ELOA: variants seen among roughly 807,000 people sequenced by gnomAD.
The protein encoded by ELOA is elongin-A.
In ELOA, 15 loss-of-function variants were observed where a neutral mutation model predicts 85.2. The observed-to-expected ratio is 0.18, with a 90% confidence interval of 0.12 to 0.27. ELOA has a LOEUF of 0.27. ELOA is among the 10% of genes least tolerant of loss of function. ELOA has a pLI of 1.00. For missense variants in ELOA, 769 were observed against 952.7 expected (o/e 0.81, Z 2.54); for synonymous variants, 348 against 357.2 (o/e 0.97, Z 0.29).
chr1:23,759,823 A>G lies in ELOA; in HGVS notation c.*250A>G. The G allele has an allele frequency of 4.0e-6, 2 of 506,086 alleles. No homozygotes were observed. The highest frequency in any genetic ancestry group is 7.1e-6 in the Non-Finnish European group (2 of 283,206). 31.3% of individuals were successfully genotyped at this position (506,086 alleles called of 1,614,324 possible). ...ACTGAGGATTTTAAAGGTCAATTAT[A>G]CTTTTGTTGTTCATTAGCATCTTTG... On this transcript the variant is annotated 3_prime_UTR_variant, in exon 11 of 11. Coordinates refer to ENST00000613537, the MANE Select transcript of ELOA (RefSeq NM_003198.3).
chr1:23,755,157 A>C (rs893620023), intron 7 of ELOA, among the ~76,000 whole-genome samples: 1 of 152,108 alleles, frequency 6.6e-6, no homozygotes, highest in African/African-American at 2.4e-5. Context: ...GATTACAGGC[A>C]TGAGCCAACG....
At chr1:23,756,662 C>T (rs943002537) in intron 9 of ELOA, among the ~76,000 whole-genome samples, 1 of 152,302 alleles carries the variant, frequency 6.6e-6, no homozygotes, top group Admixed American at 6.5e-5. Context: ...TCCCTTTTCC[C>T]ATCTAAACAA....
At chr1:23,755,818 A>T in intron 7 of ELOA, 25 bp from the exon 8 acceptor site, 2 of 1,575,394 alleles carry the variant, frequency 1.3e-6, no homozygotes, top group Non-Finnish European at 1.7e-6. Context: ...CTTGTACACA[A>T]ATGATGTCCT....
At position 23,758,273 on chromosome 1, in the gene ELOA, T is replaced by A. The variant is rs1184873393; in HGVS notation, c.2257+1148T>A. ...TTTATTTATTTATTTTTTTTTTTTT[T>A]TTTTTTTTTTTTTTTTTGGAGACAG... On this transcript the variant is annotated intron_variant, in intron 10 of 10. Transcript: ENST00000613537. Among the ~76,000 whole-genome samples, 247 of 101,808 alleles carry A rather than the reference T, an allele frequency of 2.4e-3. 10 individuals are homozygous for A. The highest frequency in any genetic ancestry group is 8.4e-3 in the African/African-American group (222 of 26,332). The allele number at this position is 101,808 out of a possible 152,430, so 66.8% of individuals were successfully genotyped here. A position where few individuals can be genotyped will look rare whatever the true frequency, so the allele number is the denominator to read the frequency against.
chr1:23,761,007 A>G lies in ELOA; in HGVS notation c.*1434A>G, dbSNP rs1313642259. 1 of 152,106 alleles carries G rather than the reference A, an allele frequency of 6.6e-6. No homozygotes were observed. Among genetic ancestry groups the G allele is most frequent in the East Asian group, 1.9e-4 (1 of 5,196 alleles). 9.4% of individuals were successfully genotyped at this position (152,106 alleles called of 1,614,324 possible). Reference sequence around the variant, plus strand: ...GGGATGGTAAGTGTGACAGCCTGATAAGTTTTCTCAAAGCCCAGGATACAG... The same window carrying G: ...GGGATGGTAAGTGTGACAGCCTGATGAGTTTTCTCAAAGCCCAGGATACAG... On this transcript the variant is annotated 3_prime_UTR_variant, in exon 11 of 11. Coordinates refer to ENST00000613537, the MANE Select transcript of ELOA (RefSeq NM_003198.3).
At chr1:23,747,992 A>G (rs987780959) in intron 1 of ELOA, among the ~76,000 whole-genome samples, 19 of 152,202 alleles carry the variant, frequency 1.2e-4, no homozygotes, top group Non-Finnish European at 2.2e-4. Flanking sequence ...CACTCCTTGT[A>G]TGGTAAGTAT....
intron 1 of ELOA, among the ~76,000 whole-genome samples, 189 bp from the exon 2 acceptor site, chr1:23,748,832 T>A (rs1387497035): frequency 1.3e-5 from 2 of 152,192 alleles, no homozygotes; most frequent in South Asian, 4.1e-4. Flanking sequence ...CCCACTTGCA[T>A]CTTGGGACAA....
In ELOA at chr1:23,751,157, C is replaced by T. The variant is rs146669222; in HGVS notation, c.552C>T (p.Thr184=). 2 of 1,614,012 alleles carry T rather than the reference C, an allele frequency of 1.2e-6. No individual in the cohort carries two copies. Among genetic ancestry groups the T allele is most frequent in the African/African-American group, 2.7e-5 (2 of 74,908 alleles). Residue 184 remains threonine, a synonymous_variant, in exon 4 of 11, where the codon ACC becomes ACT. Coordinates refer to ENST00000613537, the MANE Select transcript of ELOA (RefSeq NM_003198.3). ...ATGTTCAATCCCCTCCATCTTGTAC[C>T]AGTCCTCATCAGATGTACGTCGACC... ...YGHVQSPPSC[T]SPHQMYVDHY...
At position 23,754,420 on chromosome 1, in the gene ELOA, G is replaced by A. The variant is rs767212367; in HGVS notation, c.1751G>A (p.Cys584Tyr). The A allele has an allele frequency of 6.2e-7, 1 of 1,614,154 alleles. No individual in the cohort carries two copies. Among genetic ancestry groups the A allele is most frequent in the East Asian group, 2.2e-5 (1 of 44,884 alleles). ...YSVLEPVLER[C>Y]TPDQLYRIEE... ...GTTCTTGAACCCGTTTTGGAGAGGT[G>A]TACACCTGATCAGCTGTATCGCATA... The change falls in exon 7 of 11, where the codon TGT becomes TAT. Residue 584 changes from cysteine to tyrosine, a missense_variant. Cys to Tyr is a radical substitution (Grantham distance 194). Transcript: ENST00000613537.
intron 10 of ELOA, 128 bp downstream of exon 10, chr1:23,757,253 G>A (rs953213869): frequency 1.3e-5 from 13 of 1,016,336 alleles, no homozygotes; most frequent in African/African-American, 1.7e-5. Flanking sequence ...CACATAGCTG[G>A]TCTGAATGTC....
intron 3 of ELOA, among the ~76,000 whole-genome samples, chr1:23,750,432 G>A (rs1287100814): frequency 2.0e-5 from 3 of 151,986 alleles, no homozygotes; most frequent in Admixed American, 1.3e-4. Flanking sequence ...TGCCCGCCTC[G>A]GCCTCCCAAA....
Position 23,756,990 on chromosome 1 carries a change from G to A in ELOA, c.2122G>A (p.Ala708Thr). 6.3e-7 allele frequency: 1 copy of A among 1,590,642 alleles called. No homozygotes were observed. Among genetic ancestry groups the A allele is most frequent in the Non-Finnish European group, 8.5e-7 (1 of 1,171,310 alleles). ...CCCGTACCCCATGGGAAGCAGCCATGCTTCCGCCAGTAGCATCAGCTTTAA... is the reference window on the plus strand; with the variant it reads ...CCCGTACCCCATGGGAAGCAGCCATACTTCCGCCAGTAGCATCAGCTTTAA... ...PAPYPMGSSH[A>T]SASSISFNPS... Residue 708 changes from alanine to threonine, a missense_variant, in exon 10 of 11, where the codon GCT becomes ACT. Coordinates refer to ENST00000613537, the MANE Select transcript of ELOA (RefSeq NM_003198.3).
rs1415249987 is a variant in ELOA at position 23,760,430 on chromosome 1, C to T, written c.*857C>T. Reference sequence around the variant, plus strand: ...GATTGAAAATTTTAGGGTTTCTCCCCACTGCCCTTCCCTATCTTTCCTTCC... The same window carrying T: ...GATTGAAAATTTTAGGGTTTCTCCCTACTGCCCTTCCCTATCTTTCCTTCC... On this transcript the variant is annotated 3_prime_UTR_variant, in exon 11 of 11. Coordinates refer to ENST00000613537, the MANE Select transcript of ELOA (RefSeq NM_003198.3). The T allele has an allele frequency of 3.3e-5, 5 of 151,868 alleles. No individual in the cohort carries two copies. The highest frequency in any genetic ancestry group is 1.2e-4 in the African/African-American group (5 of 41,270). 9.4% of individuals were successfully genotyped at this position (151,868 alleles called of 1,614,324 possible).
intron 10 of ELOA, among the ~76,000 whole-genome samples, chr1:23,759,159 G>T (rs931373951): frequency 3.9e-5 from 6 of 152,236 alleles, no homozygotes; most frequent in African/African-American, 1.4e-4. Flanking sequence ...ACCCTAGCCA[G>T]GGTGACAGAG....
Position 23,759,699 on chromosome 1 carries a change from G to A in ELOA, c.*126G>A. 3 of 1,101,224 alleles carry A rather than the reference G, an allele frequency of 2.7e-6. No individual in the cohort carries two copies. Among genetic ancestry groups the A allele is most frequent in the African/African-American group, 1.6e-5 (1 of 64,472 alleles). 68.2% of individuals were successfully genotyped at this position (1,101,224 alleles called of 1,614,324 possible). On this transcript the variant is annotated 3_prime_UTR_variant, in exon 11 of 11. Coordinates refer to ENST00000613537, the MANE Select transcript of ELOA (RefSeq NM_003198.3). ...TGGATCCTTTTGGTCTCCGAGTCCT[G>A]CAGTCTGCAGGTGCTGCCCCTGGGA...
chr1:23,756,600 A>G (rs1644795742), intron 9 of ELOA, among the ~76,000 whole-genome samples: 1 of 152,202 alleles, frequency 6.6e-6, no homozygotes, highest in African/African-American at 2.4e-5. Context: ...TAGGGTAGTC[A>G]AGATTAAATG....
In ELOA at chr1:23,751,688, A is replaced by G; in HGVS notation, c.1083A>G (p.Val361=). The G allele has an allele frequency of 6.2e-7, 1 of 1,614,216 alleles. No homozygotes were observed. Among genetic ancestry groups the G allele is most frequent in the Non-Finnish European group, 8.5e-7 (1 of 1,180,038 alleles). Residue 361 remains valine, a synonymous_variant, in exon 4 of 11, where the codon GTA becomes GTG. Coordinates refer to ENST00000613537, the MANE Select transcript of ELOA (RefSeq NM_003198.3). The part of the protein sequence containing the change: ...GKGAGDLLPK[V]KEKGSNNLKT... The stretch of plus-strand genomic sequence containing the variant: ...GAGCAGGAGACCTGTTGCCCAAGGT[A>G]AAAGAGAAGGGTTCTAACAACCTAA...
At chr1:23,743,668 G>A in intron 1 of ELOA, 90 bp downstream of exon 1, 1 of 1,337,848 alleles carries the variant, frequency 7.5e-7, no homozygotes, top group Non-Finnish European at 9.6e-7. Context: ...GGGTTCGGGG[G>A]CTGGGACCCT....
chr1:23,755,406 T>C (rs1644789812), intron 7 of ELOA, among the ~76,000 whole-genome samples: 1 of 152,176 alleles, frequency 6.6e-6, no homozygotes. Flanking sequence ...TTTCCTAGAA[T>C]TGTGGTATTT....
Sources: gnomAD v4.1 joint callset for allele counts (sites outside exome capture counted in the v4.1 genomes callset) on GRCh38, gnomAD v4.1.1 for gene constraint, MANE v1.5 for transcripts, NCBI Gene and HGNC (gene_info 2026-07-23, HGNC 2026-07-21) for gene names.